Variants in UBE4B observed in about 807,000 individuals in gnomAD.
The protein encoded by UBE4B is ubiquitination factor E4B, also known as ubiquitin conjugation factor E4 B.
A neutral mutation model predicts 148.1 loss-of-function variants in UBE4B; 27 were observed. That is an observed-to-expected ratio of 0.18 (90% CI 0.13 to 0.25). The LOEUF (loss-of-function observed/expected upper bound fraction) is 0.25, where lower values mean the gene tolerates loss of function less well. Among genes scored for constraint, UBE4B ranks in the 10% least tolerant of loss-of-function variants. UBE4B has a pLI of 1.00. For synonymous variants in UBE4B, 596 were observed against 619.3 expected, an observed-to-expected ratio of 0.96 and a Z score of 0.56; for missense variants, 1,170 against 1,662.4, an observed-to-expected ratio of 0.70 and a Z score of 5.15.
chr1:10,159,072 GT>G (rs1182149408), intron 22 of UBE4B, among the ~76,000 whole-genome samples: 1 of 151,714 alleles, frequency 6.6e-6, no homozygotes, highest in African/African-American at 2.4e-5. Context: ...TGGGTTAAGT[GT>G]TTTTTTGGTG....
chr1:10,080,375 C>A (rs1255823937), intron 2 of UBE4B, among the ~76,000 whole-genome samples: 3 of 151,040 alleles, frequency 2.0e-5, no homozygotes, highest in African/African-American at 7.3e-5. Context: ...AGCCAAGATC[C>A]CACCACTGCA....
intron 2 of UBE4B, among the ~76,000 whole-genome samples, chr1:10,090,910 A>G (rs925349833): frequency 2.6e-5 from 4 of 152,148 alleles, no homozygotes; most frequent in African/African-American, 7.2e-5. Flanking sequence ...AACATCATTC[A>G]GGAAATATTA....
At chr1:10,071,170 G>T (rs1291263643) in intron 1 of UBE4B, among the ~76,000 whole-genome samples, 2 of 152,194 alleles carry the variant, frequency 1.3e-5, no homozygotes, top group Non-Finnish European at 2.9e-5. Context: ...CTCCCAGAGT[G>T]CTGGGATTAC....
intron 2 of UBE4B, chr1:10,072,629 A>C: frequency 1.6e-6 from 1 of 613,350 alleles, no homozygotes; most frequent in Non-Finnish European, 2.9e-6. Flanking sequence ...ATTGGCACAG[A>C]ACTTTTTCTT....
At chr1:10,157,695 T>G (rs1003102358) in intron 21 of UBE4B, among the ~76,000 whole-genome samples, 1 of 152,058 alleles carries the variant, frequency 6.6e-6, no homozygotes, top group African/African-American at 2.4e-5. Context: ...GGAGAATTGC[T>G]TGAACCCCGA....
At chr1:10,175,446 T>G (rs1425024433) in intron 25 of UBE4B, among the ~76,000 whole-genome samples, 1 of 151,384 alleles carries the variant, frequency 6.6e-6, no homozygotes, top group Admixed American at 6.6e-5. Context: ...GGTCAGGAGA[T>G]CGAGACCGTC....
chr1:10,156,749 A>G (rs927002144), intron 21 of UBE4B, among the ~76,000 whole-genome samples: 1 of 152,210 alleles, frequency 6.6e-6, no homozygotes, highest in Non-Finnish European at 1.5e-5. Flanking sequence ...AGGAAAGGTT[A>G]CTTAATGAAT....
chr1:10,165,770 A>G (rs535335010), intron 23 of UBE4B, among the ~76,000 whole-genome samples: 2 of 151,870 alleles, frequency 1.3e-5, no homozygotes, highest in South Asian at 4.2e-4. Flanking sequence ...TTCCCTGACC[A>G]CCCTTTCCAG....
chr1:10,174,301 G>A lies in UBE4B; in HGVS notation c.3525+2972G>A, dbSNP rs191002648. ...TCCAGCTACTCGGAGGCTGAGGCAG[G>A]AGAATAGCTTGAACCCGGGAGGCAG... On this transcript the variant is annotated intron_variant, in intron 25 of 27. Coordinates refer to ENST00000343090, the MANE Select transcript of UBE4B (RefSeq NM_001105562.3). Among the ~76,000 whole-genome samples the A allele has an allele frequency of 6.0e-3, 905 of 151,890 alleles. 2 individuals carry two copies. The highest frequency in any genetic ancestry group is 0.02 in the Middle Eastern group (6 of 294).
At chr1:10,171,425 G>A (rs1324825414) in intron 25 of UBE4B, 96 bp downstream of exon 25, 2 of 1,433,590 alleles carry the variant, frequency 1.4e-6, no homozygotes, top group African/African-American at 2.8e-5. Flanking sequence ...AAATGAAGAT[G>A]AGTGGGTTGT....
chr1:10,060,641 T>C (rs1264018770), intron 1 of UBE4B, among the ~76,000 whole-genome samples: 2 of 152,222 alleles, frequency 1.3e-5, no homozygotes, highest in Non-Finnish European at 2.9e-5. Flanking sequence ...CTAGTAGCCA[T>C]TGAAGTACTC....
intron 2 of UBE4B, among the ~76,000 whole-genome samples, chr1:10,092,759 T>C (rs953251094): frequency 2.6e-5 from 4 of 151,278 alleles, no homozygotes; most frequent in East Asian, 1.9e-4. Context: ...ACCTGGGAGA[T>C]GGAGGTTGCT....
rs977380525 is a variant in UBE4B, at chr1:10,161,005, C to G, written c.3054-137C>G. The G allele has an allele frequency of 5.7e-6, 5 of 878,788 alleles. No homozygotes were observed. Among genetic ancestry groups the G allele is most frequent in the Non-Finnish European group, 8.8e-6 (5 of 567,606 alleles). 54.4% of individuals were successfully genotyped at this position (878,788 alleles called of 1,614,324 possible). On this transcript the variant is annotated intron_variant, in intron 22 of 27. Transcript: ENST00000343090. The surrounding 1 kb of genome is among the most constrained non-coding windows in gnomAD (Gnocchi z 4.1). ...TGGTGGTCCTTGAATTCCATAGTGCCTGACTTGTGCCAGGGTAGCCAGGCT... is the reference window on the plus strand; with the variant it reads ...TGGTGGTCCTTGAATTCCATAGTGCGTGACTTGTGCCAGGGTAGCCAGGCT...
intron 1 of UBE4B, among the ~76,000 whole-genome samples, chr1:10,062,755 A>C (rs1451208273): frequency 2.0e-5 from 3 of 151,856 alleles, no homozygotes; most frequent in African/African-American, 7.3e-5. Context: ...TCAGGAGTTC[A>C]AGACCAGCCT....
intron 21 of UBE4B, 147 bp from the exon 22 acceptor site, chr1:10,158,209 G>A (rs1279696591): frequency 3.1e-5 from 28 of 901,862 alleles, no homozygotes; most frequent in South Asian, 5.7e-5. Context: ...AATTTCTGTC[G>A]TGCCCTACAT....
At chr1:10,111,518 G>A (rs981828026) in intron 7 of UBE4B, among the ~76,000 whole-genome samples, 1 of 152,096 alleles carries the variant, frequency 6.6e-6, no homozygotes, top group African/African-American at 2.4e-5. Flanking sequence ...ACCCATGCAC[G>A]CACACCGTCG....
At chr1:10,179,225 G>A (rs949019256) in intron 26 of UBE4B, 191 bp from the exon 27 acceptor site, 15 of 643,622 alleles carry the variant, frequency 2.3e-5, no homozygotes, top group South Asian at 7.3e-5. Context: ...ACAAAGAAGC[G>A]CCTTCCCCTT....
intron 22 of UBE4B, among the ~76,000 whole-genome samples, chr1:10,159,477 C>T: frequency 6.6e-6 from 1 of 152,208 alleles, no homozygotes; most frequent in East Asian, 1.9e-4. Flanking sequence ...TCGAGACCAT[C>T]CTGGCTAACA....
chr1:10,084,391 G>GT lies in UBE4B; in HGVS notation c.212-11069dup, dbSNP rs1194946225. On this transcript the variant is annotated intron_variant, in intron 2 of 27. Transcript: ENST00000343090. ...TATCATCATGTTCCACCCTCTTCAT[G>GT]TAATTCACTATCTTGATTTTCAGAG... is the stretch of plus-strand genomic sequence containing the variant. Among the ~76,000 whole-genome samples, 4 of 152,082 alleles carry GT rather than the reference G, an allele frequency of 2.6e-5. No homozygotes were observed. In the East Asian group the frequency reaches 7.7e-4, roughly 29 times the overall value.
Sources: gnomAD v4.1 joint callset for allele counts (sites outside exome capture counted in the v4.1 genomes callset) on GRCh38, gnomAD v4.1.1 for gene constraint, Gnocchi (gnomAD v3.1) non-coding constraint, MANE v1.5 for transcripts, NCBI Gene and HGNC (gene_info 2026-07-23, HGNC 2026-07-21) for gene names.